Variants in ALDH1A3 observed in about 807,000 individuals in gnomAD.
ALDH1A3 encodes retinaldehyde dehydrogenase 3.
A neutral mutation model predicts 57.5 loss-of-function variants in ALDH1A3; 28 were observed. The ratio of observed to expected loss-of-function variants is 0.49; its 90% CI spans 0.36 to 0.67. The LOEUF is 0.67. Ranked by LOEUF, ALDH1A3 falls within the 30% of genes least tolerant of loss-of-function variation. The probability of loss-of-function intolerance (pLI) is 0.00; values close to 1 mark genes in which losing one functional copy is unlikely to be tolerated. For synonymous variants in ALDH1A3, 281 were observed against 264.8 expected (o/e 1.06, Z -0.59); for missense variants, 507 against 669.4 (o/e 0.76, Z 2.68).
intron 1 of ALDH1A3, chr15:100,880,521 C>A (rs1450031175): frequency 1.1e-5 from 3 of 275,960 alleles, no homozygotes; most frequent in Non-Finnish European, 1.3e-5. Flanking sequence ...CCGAGCAAAG[C>A]GCAGCGGGCG....
chr15:100,898,930 C>T (rs1040831857), intron 8 of ALDH1A3, among the ~76,000 whole-genome samples: 1 of 152,226 alleles, frequency 6.6e-6, no homozygotes, highest in African/African-American at 2.4e-5. Flanking sequence ...CTTGAAACAC[C>T]TTTGCCTTAA....
Position 100,916,343 on chromosome 15 carries a change from C to A in ALDH1A3, c.*1570C>A, listed in dbSNP as rs1031511254. 6.6e-6 allele frequency: 1 copy of A among 152,412 alleles called. No homozygotes were observed. The highest frequency in any genetic ancestry group is 1.5e-5 in the Non-Finnish European group (1 of 68,030). The allele number at this position is 152,412 out of a possible 1,614,324, so 9.4% of individuals were successfully genotyped here. On this transcript the variant is annotated 3_prime_UTR_variant, in exon 13 of 13. Coordinates refer to ENST00000329841, the MANE Select transcript of ALDH1A3 (RefSeq NM_000693.4). ...AGTGATACGTTAGAGGGTTCCTATTCTTCCATTGTACGATAATGTCTTTAA... is the reference window on the plus strand; with the variant it reads ...AGTGATACGTTAGAGGGTTCCTATTATTCCATTGTACGATAATGTCTTTAA...
chr15:100,900,125 TCTTA>T (rs1198776888), intron 8 of ALDH1A3, among the ~76,000 whole-genome samples: 13 of 152,258 alleles, frequency 8.5e-5, no homozygotes, highest in Admixed American at 2.6e-4. Flanking sequence ...CATGATATTA[TCTTA>T]CTTAATAAGA....
At chr15:100,914,482 C>T in intron 12 of ALDH1A3, 1 of 460,192 alleles carries the variant, frequency 2.2e-6, no homozygotes, top group South Asian at 3.9e-5. Context: ...AAGCATCACA[C>T]AGAAGAAGAC....
At chr15:100,907,696 G>T (rs1244541962) in intron 11 of ALDH1A3, among the ~76,000 whole-genome samples, 1 of 152,118 alleles carries the variant, frequency 6.6e-6, no homozygotes, top group African/African-American at 2.4e-5. Flanking sequence ...CCATATTAAA[G>T]ATTAATGAAT....
chr15:100,904,561 G>A (rs1023392002), intron 9 of ALDH1A3, among the ~76,000 whole-genome samples: 5 of 152,120 alleles, frequency 3.3e-5, no homozygotes, highest in African/African-American at 9.7e-5. Flanking sequence ...GTAAAGCTTT[G>A]TCTCTCCCAG....
chr15:100,893,715 G>A lies in ALDH1A3; in HGVS notation c.538-239G>A, dbSNP rs985515821. 6.8e-6 allele frequency: 3 copies of A among 443,926 alleles called. No homozygotes were observed. The highest frequency in any genetic ancestry group is 1.2e-5 in the Non-Finnish European group (3 of 253,304). The allele number at this position is 443,926 out of a possible 1,614,324, so 27.5% of individuals were successfully genotyped here. ...CTTCAGCAGATGTTTTAGAGGGAGAGGTAGAACACATGCAACAGCATCCTC... is the reference window on the plus strand; with the variant it reads ...CTTCAGCAGATGTTTTAGAGGGAGAAGTAGAACACATGCAACAGCATCCTC... On this transcript the variant is annotated intron_variant, in intron 5 of 12. Transcript: ENST00000329841. The surrounding 1 kb of genome is among the most constrained non-coding windows in gnomAD (Gnocchi z 4.8).
Position 100,887,775 on chromosome 15 carries a change from C to G in ALDH1A3, c.345+63C>G. 2 of 1,498,394 alleles carry G rather than the reference C, an allele frequency of 1.3e-6. No individual in the cohort carries two copies. Among genetic ancestry groups the G allele is most frequent in the Non-Finnish European group, 1.8e-6 (2 of 1,119,028 alleles). 92.8% of individuals were successfully genotyped at this position (1,498,394 alleles called of 1,614,324 possible). ...CAGCCTCACTGAGGGTCCTGTCCAC[C>G]ATGGGGTATGGGAAAAAAGATCACG... On this transcript the variant is annotated intron_variant, in intron 3 of 12. Transcript: ENST00000329841. The surrounding 1 kb of genome is among the most constrained non-coding windows in gnomAD (Gnocchi z 4.6).
chr15:100,902,506 G>A (rs187559371), intron 9 of ALDH1A3, among the ~76,000 whole-genome samples: 8 of 152,310 alleles, frequency 5.3e-5, no homozygotes, highest in South Asian at 4.1e-4. Flanking sequence ...GTCCACGGCC[G>A]GGCTAGCGCT....
chr15:100,887,742 G>C lies in ALDH1A3; in HGVS notation c.345+30G>C. 4 of 1,555,240 alleles carry C rather than the reference G, an allele frequency of 2.6e-6. No homozygotes were observed. Among genetic ancestry groups the C allele is most frequent in the Non-Finnish European group, 3.5e-6 (4 of 1,146,602 alleles). On this transcript the variant is annotated intron_variant, in intron 3 of 12. Transcript: ENST00000329841. The surrounding 1 kb of genome is among the most constrained non-coding windows in gnomAD (Gnocchi z 4.6). ...GTACATGCACTTGGGGGCCGGTGGG[G>C]GATGAGCCAGCCTCACTGAGGGTCC...
At chr15:100,883,648 G>GT (rs4646652) in intron 1 of ALDH1A3, among the ~76,000 whole-genome samples, 238 of 146,032 alleles carry the variant, frequency 1.6e-3, no homozygotes, top group Non-Finnish European at 2.0e-3. Flanking sequence ...GTTTTTGTGG[G>GT]TTTTTTTTTT....
intron 9 of ALDH1A3, among the ~76,000 whole-genome samples, chr15:100,904,460 A>G (rs1404018118): frequency 2.6e-5 from 4 of 152,196 alleles, no homozygotes; most frequent in Admixed American, 6.5e-5. Context: ...CCGTCATCCA[A>G]TTGCACCACT....
chr15:100,892,454 A>C (rs1271040648), intron 3 of ALDH1A3, 56 bp from the exon 4 acceptor site: 1 of 1,608,320 alleles, frequency 6.2e-7, no homozygotes, highest in Non-Finnish European at 8.5e-7. Context: ...TAACAACCTG[A>C]CAGTGCAAAA....
At chr15:100,899,287 G>A (rs903847431) in intron 8 of ALDH1A3, among the ~76,000 whole-genome samples, 3 of 152,156 alleles carry the variant, frequency 2.0e-5, no homozygotes, top group Non-Finnish European at 2.9e-5. Context: ...AGCATTTCTG[G>A]CACTGTGACT....
chr15:100,881,290 A>G (rs1453762596), intron 1 of ALDH1A3: 1 of 152,230 alleles, frequency 6.6e-6, no homozygotes, highest in Non-Finnish European at 1.5e-5. Context: ...ATTATTCTTA[A>G]TGTAGTTTTA....
At chr15:100,895,090 G>A (rs1346311421) in intron 6 of ALDH1A3, 1 of 152,184 alleles carries the variant, frequency 6.6e-6, no homozygotes. Flanking sequence ...TGCTCCAGGT[G>A]AGACCCAGGT....
chr15:100,915,078 G>T lies in ALDH1A3; in HGVS notation c.*305G>T. 2.6e-6 allele frequency: 1 copy of T among 381,750 alleles called. No homozygotes were observed. Among genetic ancestry groups the T allele is most frequent in the African/African-American group, 2.0e-5 (1 of 49,224 alleles). The allele number at this position is 381,750 out of a possible 1,614,324, so 23.6% of individuals were successfully genotyped here. ...ATACTCAGGGCGTTGTTAACAGGGA[G>T]TGGTATTTGAAGTGTCCAGCAGTTG... On this transcript the variant is annotated 3_prime_UTR_variant, in exon 13 of 13. Transcript: ENST00000329841.
Position 100,887,574 on chromosome 15 carries a change from C to A in ALDH1A3, c.207C>A (p.Pro69=), listed in dbSNP as rs770866879. ...QICEVEEGDK[P]DVDKAVEAAQ... ...TCTCTGTTGTTCTGGTCGCTCAGCC[C>A]GACGTGGACAAGGCTGTGGAGGCTG... Residue 69 remains proline, a splice_region_variant and synonymous_variant, in exon 3 of 13, where the codon CCC becomes CCA. Coordinates refer to ENST00000329841, the MANE Select transcript of ALDH1A3 (RefSeq NM_000693.4). This position sits in a 1 kb window ranked among gnomAD's most constrained non-coding sequence, Gnocchi z 4.6. 19 of 1,587,978 alleles carry A rather than the reference C, an allele frequency of 1.2e-5. No homozygotes were observed. The highest frequency in any genetic ancestry group is 1.6e-5 in the Non-Finnish European group (19 of 1,165,316).
intron 1 of ALDH1A3, among the ~76,000 whole-genome samples, chr15:100,883,636 A>G (rs1366804809): frequency 6.9e-6 from 1 of 144,018 alleles, no homozygotes; most frequent in Non-Finnish European, 1.5e-5. Context: ...TGAGCTTCAG[A>G]GGTTTTTGTG....
Sources: allele counts gnomAD v4.1 joint callset (sites outside exome capture counted in the v4.1 genomes callset), GRCh38; gene constraint gnomAD v4.1.1; non-coding constraint Gnocchi (gnomAD v3.1); transcripts MANE v1.5; gene names NCBI Gene and HGNC (gene_info 2026-07-23, HGNC 2026-07-21).